Variants in ZFAT observed in about 807,000 individuals in gnomAD.
ZFAT encodes the protein zinc finger protein ZFAT.
ZFAT carries 64 observed loss-of-function variants against 117.7 expected under a neutral mutation model. The ratio of observed to expected loss-of-function variants is 0.54; its 90% confidence interval spans 0.44 to 0.67. The LOEUF (loss-of-function observed/expected upper bound fraction) is 0.67, where lower values mean the gene tolerates loss of function less well. Ranked by LOEUF, ZFAT falls within the 30% of genes least tolerant of loss-of-function variation. The pLI is 0.00. For missense variants in ZFAT, 1,433 were observed against 1,584.5 expected (o/e 0.90, Z 1.62); for synonymous variants, 679 against 615.0 (o/e 1.10, Z -1.54).
intron 15 of ZFAT, among the ~76,000 whole-genome samples, chr8:134,508,200 C>G (rs988076620): frequency 2.0e-5 from 3 of 152,154 alleles, no homozygotes; most frequent in African/African-American, 7.2e-5. Context: ...AGAGGTGAAC[C>G]TGAATGTACT....
chr8:134,546,932 T>C (rs540198830), intron 11 of ZFAT, among the ~76,000 whole-genome samples: 74 of 152,240 alleles, frequency 4.9e-4, no homozygotes, highest in Non-Finnish European at 9.8e-4. Flanking sequence ...GTATTTCTTT[T>C]AACGTGCATT....
intron 10 of ZFAT, among the ~76,000 whole-genome samples, chr8:134,579,759 T>G (rs928141644): frequency 6.6e-6 from 1 of 151,998 alleles, no homozygotes; most frequent in African/African-American, 2.4e-5. Flanking sequence ...AAGACCAGCC[T>G]GGCCAACATG....
chr8:134,509,947 T>A (rs867934436), intron 14 of ZFAT, 198 bp from the exon 15 acceptor site: 11 of 655,806 alleles, frequency 1.7e-5, no homozygotes, highest in African/African-American at 1.5e-4. Context: ...TAAGAACATC[T>A]CAAAACCCCA....
chr8:134,624,329 ACCAT>A (rs1240326930), intron 3 of ZFAT, among the ~76,000 whole-genome samples: 1 of 152,176 alleles, frequency 6.6e-6, no homozygotes, highest in East Asian at 1.9e-4. Context: ...TTCTTTGTTT[ACCAT>A]CCCACCTCTT....
At position 134,509,763 on chromosome 8, in the gene ZFAT, A is replaced by C. The variant is rs765956687; in HGVS notation, c.3362-14T>G. 6.3e-7 allele frequency: 1 copy of C among 1,587,446 alleles called. No homozygotes were observed. The highest frequency in any genetic ancestry group is 1.8e-5 in the Admixed American group (1 of 54,486). The stretch of plus-strand genomic sequence containing the variant: ...CCAGTCGGTCGCCTTAAGAGGAAGA[A>C]GCAAAGAGGACACCATTCAGGCCAC... On this transcript the variant is annotated splice_polypyrimidine_tract_variant and intron_variant, in intron 14 of 15. Coordinates refer to ENST00000377838, the MANE Select transcript of ZFAT (RefSeq NM_020863.4).
intron 1 of ZFAT, among the ~76,000 whole-genome samples, chr8:134,691,746 T>G (rs537465154): frequency 6.6e-6 from 1 of 152,248 alleles, no homozygotes; most frequent in Non-Finnish European, 1.5e-5. Flanking sequence ...CTGTGCTTAT[T>G]GGTTTAACCT....
In ZFAT at chr8:134,657,502, C is replaced by A. The variant is rs148228503; in HGVS notation, c.196+59G>T. The A allele has an allele frequency of 5.8e-4, 860 of 1,495,030 alleles. 7 individuals carry two copies. The African/African-American group carries it at 9.5e-3, about 17-fold the overall frequency. The allele number at this position is 1,495,030 out of a possible 1,614,324, so 92.6% of individuals were successfully genotyped here. On this transcript the variant is annotated intron_variant, in intron 2 of 15. Transcript: ENST00000377838. ...CTAGGCTTCTGCTATGCCCACGGAG[C>A]AAATCAACATCAACAGGTGTGTCAG...
chr8:134,512,562 G>T lies in ZFAT; in HGVS notation c.3274C>A (p.Leu1092Ile). The change falls in exon 14 of 16, where the codon CTC (leucine) becomes ATC (isoleucine). Residue 1092 changes from leucine to isoleucine, a missense_variant. Around this residue, in one of 5 missense-constraint regions of ZFAT, gnomAD observed 503 missense variants for 543.4 expected, o/e 0.93. Coordinates refer to ENST00000377838, the MANE Select transcript of ZFAT (RefSeq NM_020863.4). ...TCTTCTTCGGCCTCTGTGATGTGGA[G>T]ATACTGGGTGGAGGGCTCCTCAGGA... ...EAPEEPSTQY[L>I]HITEAEEDVQ... is the part of the protein sequence containing the mutation. 2 of 1,613,954 alleles carry T rather than the reference G, an allele frequency of 1.2e-6. No homozygotes were observed. The highest frequency in any genetic ancestry group is 1.7e-6 in the Non-Finnish European group (2 of 1,179,870).
At chr8:134,823,446 A>T in the ZFAT span, among the ~76,000 whole-genome samples, 1 of 152,330 alleles carries the variant, frequency 6.6e-6, no homozygotes, top group East Asian at 1.9e-4. Flanking sequence ...TTAAGTGCTT[A>T]TATACATTAA....
chr8:134,547,253 C>T (rs1822770552), intron 11 of ZFAT, among the ~76,000 whole-genome samples: 1 of 152,336 alleles, frequency 6.6e-6, no homozygotes, highest in South Asian at 2.1e-4. Flanking sequence ...AAGCTCACCA[C>T]AAACAAGCTT....
At chr8:134,829,614 T>C in the ZFAT span, among the ~76,000 whole-genome samples, 1 of 152,254 alleles carries the variant, frequency 6.6e-6, no homozygotes, top group African/African-American at 2.4e-5. Flanking sequence ...GGATTAAGTA[T>C]TTGAAAACAA....
At chr8:134,615,319 T>C (rs1370728329) in intron 3 of ZFAT, among the ~76,000 whole-genome samples, 1 of 152,150 alleles carries the variant, frequency 6.6e-6, no homozygotes, top group Non-Finnish European at 1.5e-5. Context: ...CCCAAGTAGC[T>C]AGGATTACAG....
At chr8:134,576,655 T>C (rs939929079) in intron 10 of ZFAT, among the ~76,000 whole-genome samples, 11 of 152,220 alleles carry the variant, frequency 7.2e-5, no homozygotes, top group Admixed American at 3.9e-4. Flanking sequence ...GTGGCTTTGC[T>C]TTTTAGAGGA....
At chr8:134,504,249 C>A (rs1317627763) in intron 15 of ZFAT, among the ~76,000 whole-genome samples, 1 of 152,120 alleles carries the variant, frequency 6.6e-6, no homozygotes, top group Non-Finnish European at 1.5e-5. Flanking sequence ...GAGGCTGACA[C>A]CCCACAATGC....
At chr8:134,773,998 T>G in the ZFAT span, among the ~76,000 whole-genome samples, 2 of 140,366 alleles carry the variant, frequency 1.4e-5, no homozygotes, top group Admixed American at 7.1e-5. Flanking sequence ...TTTTTTTTTT[T>G]TTTTTTTTTT....
chr8:134,702,147 C>T (rs1834026183), intron 1 of ZFAT, among the ~76,000 whole-genome samples: 1 of 152,184 alleles, frequency 6.6e-6, no homozygotes, highest in Non-Finnish European at 1.5e-5. Context: ...CCAGATGCAG[C>T]CCCTTGACCT....
the ZFAT span, among the ~76,000 whole-genome samples, chr8:134,771,009 T>C: frequency 3.3e-5 from 5 of 152,194 alleles, no homozygotes; most frequent in Admixed American, 2.6e-4. Context: ...CATTAGCAAT[T>C]TTAATTTTGC....
chr8:134,599,734 G>A, intron 7 of ZFAT: 1 of 455,298 alleles, frequency 2.2e-6, no homozygotes, highest in South Asian at 1.6e-5. Context: ...CCACACCTGG[G>A]GCCAGATGTG....
chr8:134,630,307 C>T (rs1829800011), intron 3 of ZFAT, among the ~76,000 whole-genome samples: 1 of 152,228 alleles, frequency 6.6e-6, no homozygotes, highest in South Asian at 2.1e-4. Context: ...GACATTACCA[C>T]TATCCATCTT....
Sources: gnomAD v4.1 joint callset for allele counts (sites outside exome capture counted in the v4.1 genomes callset) on GRCh38, gnomAD v4.1.1 for gene constraint, gnomAD v4.1.1 regional missense constraint, MANE v1.5 for transcripts, NCBI Gene and HGNC (gene_info 2026-07-23, HGNC 2026-07-21) for gene names.